Variants in RYR2 observed in about 807,000 individuals in gnomAD.
RYR2 encodes the protein cardiac muscle ryanodine receptor-calcium release channel.
Under a neutral mutation model 601.1 loss-of-function variants are expected in RYR2, and 227 were observed. That is an observed-to-expected ratio of 0.38 (90% CI 0.34 to 0.42). The LOEUF is 0.42. RYR2 is among the 10% of genes least tolerant of loss of function. The pLI is 1.00. For synonymous variants in RYR2, 2,223 were observed against 2,175.1 expected (o/e 1.02, Z -0.61); for missense variants, 4,646 against 6,156.5 (o/e 0.75, Z 8.21).
intron 87 of RYR2, 92 bp downstream of exon 87, chr1:237,773,740 C>A: frequency 1.0e-6 from 1 of 967,120 alleles, no homozygotes. Flanking sequence ...CCTATTGACC[C>A]CTTTCTGAGT....
chr1:237,462,992 A>G (rs969876341), intron 16 of RYR2, among the ~76,000 whole-genome samples: 6 of 152,172 alleles, frequency 3.9e-5, no homozygotes, highest in African/African-American at 7.2e-5. Flanking sequence ...CCCCAAACAC[A>G]GGGACAGCTC....
chr1:237,358,358 C>T (rs1019302502), intron 4 of RYR2, among the ~76,000 whole-genome samples: 1 of 152,080 alleles, frequency 6.6e-6, no homozygotes, highest in African/African-American at 2.4e-5. Context: ...CCGGGTTCCT[C>T]ACGCCCTACT....
intron 1 of RYR2, among the ~76,000 whole-genome samples, chr1:237,058,769 G>A (rs565150083): frequency 2.4e-4 from 36 of 147,074 alleles, no homozygotes; most frequent in Non-Finnish European, 4.0e-4. Context: ...CCTGGTTAAG[G>A]TGCTTAGAGA....
chr1:237,795,904 A>T (rs1324502168), intron 96 of RYR2, among the ~76,000 whole-genome samples: 2 of 110,496 alleles, frequency 1.8e-5, no homozygotes, highest in East Asian at 8.4e-4. Context: ...ATATATGGAT[A>T]CACACACATA....
intron 29 of RYR2, among the ~76,000 whole-genome samples, chr1:237,586,941 A>T (rs1480734674): frequency 1.3e-5 from 2 of 151,790 alleles, no homozygotes; most frequent in Non-Finnish European, 2.9e-5. Context: ...CTGGTCTTGA[A>T]CTTGTGGCCT....
intron 12 of RYR2, among the ~76,000 whole-genome samples, chr1:237,438,340 CT>C (rs1707593122): frequency 6.6e-6 from 1 of 152,050 alleles, no homozygotes; most frequent in South Asian, 2.1e-4. Flanking sequence ...AAAAATATAG[CT>C]CACATTTCTA....
chr1:237,792,522 A>G (rs1658576875), intron 94 of RYR2, among the ~76,000 whole-genome samples, 199 bp downstream of exon 94: 1 of 151,790 alleles, frequency 6.6e-6, no homozygotes, highest in Admixed American at 6.6e-5. Context: ...GCATGGGGCA[A>G]ATGGAGGAAG....
chr1:237,333,527 A>G, intron 3 of RYR2: 4 of 450,442 alleles, frequency 8.9e-6, no homozygotes, highest in South Asian at 6.3e-5. Context: ...AGGGTTAGGG[A>G]GCACTGTGGG....
chr1:237,148,561 CACATATATATATATAT>C (rs1674338920), intron 1 of RYR2, among the ~76,000 whole-genome samples: 1 of 109,750 alleles, frequency 9.1e-6, no homozygotes, highest in African/African-American at 3.7e-5. Flanking sequence ...TATACACACA[CACATATATATATATAT>C]ACACACACAT....
chr1:237,145,225 A>T (rs2148781429), intron 1 of RYR2, among the ~76,000 whole-genome samples: 1 of 152,158 alleles, frequency 6.6e-6, no homozygotes, highest in South Asian at 2.1e-4. Flanking sequence ...ATAATAATAA[A>T]AAAAAAAAGA....
intron 29 of RYR2, among the ~76,000 whole-genome samples, chr1:237,572,457 C>A (rs1672801095): frequency 6.6e-6 from 1 of 152,234 alleles, no homozygotes; most frequent in South Asian, 2.1e-4. Context: ...TCACATAGAC[C>A]AATCACCATT....
chr1:237,469,732 A>T (rs533500452), intron 17 of RYR2, among the ~76,000 whole-genome samples: 64 of 152,316 alleles, frequency 4.2e-4, no homozygotes, highest in African/African-American at 1.4e-3. Context: ...ATTTGGATAG[A>T]TTGGGGAGAC....
chr1:237,609,229 A>T (rs35601523), intron 35 of RYR2, among the ~76,000 whole-genome samples: 6 of 86,800 alleles, frequency 6.9e-5, no homozygotes, highest in African/African-American at 1.7e-4. Context: ...TTTCTTTCTT[A>T]CTGACAGTCT....
chr1:237,781,513 C>G (rs1014160313), intron 88 of RYR2, 52 bp from the exon 89 acceptor site: 44 of 863,218 alleles, frequency 5.1e-5, no homozygotes, highest in Non-Finnish European at 8.4e-5. Flanking sequence ...GTATGATGTT[C>G]CTGCTGCATA....
At chr1:237,616,601 T>C (rs747788402) in intron 37 of RYR2, among the ~76,000 whole-genome samples, 1 of 152,172 alleles carries the variant, frequency 6.6e-6, no homozygotes, top group Non-Finnish European at 1.5e-5. Flanking sequence ...AAGGGAACTC[T>C]AGTCTCTTAT....
At chr1:237,553,384 G>A (rs1384769779) in intron 27 of RYR2, among the ~76,000 whole-genome samples, 5 of 151,954 alleles carry the variant, frequency 3.3e-5, no homozygotes, top group Non-Finnish European at 7.4e-5. Context: ...GAACACATAA[G>A]TCAGTCTATT....
At chr1:237,142,420 G>A (rs1673489352) in intron 1 of RYR2, among the ~76,000 whole-genome samples, 1 of 152,236 alleles carries the variant, frequency 6.6e-6, no homozygotes, top group Non-Finnish European at 1.5e-5. Context: ...ATGGCCTCAT[G>A]CTCCATTTAT....
intron 98 of RYR2, among the ~76,000 whole-genome samples, chr1:237,803,455 C>T (rs1184594547): frequency 1.3e-5 from 2 of 152,170 alleles, no homozygotes; most frequent in Admixed American, 1.3e-4. Context: ...CGCCCGCCAC[C>T]ACGCCCGGCT....
intron 1 of RYR2, among the ~76,000 whole-genome samples, chr1:237,133,920 G>T (rs1046817476): frequency 4.7e-4 from 5 of 10,534 alleles, no homozygotes; most frequent in African/African-American, 6.2e-4. Flanking sequence ...GCAAGACTCC[G>T]TCTCAAAAAA....
Sources: gnomAD v4.1 joint callset for allele counts (sites outside exome capture counted in the v4.1 genomes callset) on GRCh38, gnomAD v4.1.1 for gene constraint, MANE v1.5 for transcripts, NCBI Gene and HGNC (gene_info 2026-07-23, HGNC 2026-07-21) for gene names.